Variants in SEMA6A observed in about 807,000 individuals in gnomAD.
SEMA6A encodes semaphorin 6A.
In SEMA6A, 25 loss-of-function variants were observed where a neutral mutation model predicts 96.8. The ratio of observed to expected loss-of-function variants is 0.26; its 90% CI spans 0.19 to 0.36. SEMA6A has a LOEUF of 0.36. Ranked by LOEUF, SEMA6A falls within the 10% of genes least tolerant of loss-of-function variation. SEMA6A has a pLI of 1.00. For synonymous variants in SEMA6A, 612 were observed against 518.0 expected (o/e 1.18, Z -2.46); for missense variants, 1,363 against 1,323.1 (o/e 1.03, Z -0.47).
chr5:116,553,622 G>A (rs139083229), intron 1 of SEMA6A, among the ~76,000 whole-genome samples: 72 of 152,270 alleles, frequency 4.7e-4, no homozygotes, highest in Non-Finnish European at 9.0e-4. Flanking sequence ...ACAGTGCTGG[G>A]AGCAAACAAT....
At chr5:116,524,662 C>T (rs1295827502) in intron 1 of SEMA6A, among the ~76,000 whole-genome samples, 3 of 151,964 alleles carry the variant, frequency 2.0e-5, no homozygotes, top group Non-Finnish European at 4.4e-5. Flanking sequence ...TACAGAGTTT[C>T]CACTAGCAAA....
chr5:116,495,455 G>T lies in SEMA6A; in HGVS notation c.402C>A (p.Val134=). ...AAGGGTTGAAGGCATTAGTTCCACA[G>T]ACAAACAATGCATCATCGTTTTTCT... The part of the protein sequence containing the change: ...LLKKNDDALF[V]CGTNAFNPSC... The change falls in exon 6 of 19, where the codon GTC becomes GTA. Residue 134 remains valine (V), a synonymous_variant. Transcript: ENST00000343348. 1 of 1,610,760 alleles carries T rather than the reference G, an allele frequency of 6.2e-7. No homozygotes were observed. Among genetic ancestry groups the T allele is most frequent in the Admixed American group, 1.7e-5 (1 of 59,682 alleles).
chr5:116,509,890 G>A (rs892021175), intron 1 of SEMA6A, among the ~76,000 whole-genome samples: 2 of 152,068 alleles, frequency 1.3e-5, no homozygotes, highest in African/African-American at 4.8e-5. Context: ...TCTATGCAGT[G>A]GGGCAAGTGA....
At chr5:116,488,070 A>G (rs778762599) in intron 9 of SEMA6A, 38 bp downstream of exon 9, 2 of 1,355,256 alleles carry the variant, frequency 1.5e-6, no homozygotes, top group South Asian at 1.2e-5. Flanking sequence ...GTTTCTGAAA[A>G]TGTTACAAAC....
chr5:116,564,839 G>T (rs1027543416), intron 1 of SEMA6A, among the ~76,000 whole-genome samples: 1 of 152,186 alleles, frequency 6.6e-6, no homozygotes, highest in Non-Finnish European at 1.5e-5. Flanking sequence ...CAGTAAAATG[G>T]TCTCTAGCTC....
intron 16 of SEMA6A, among the ~76,000 whole-genome samples, chr5:116,474,656 T>C (rs3097138): frequency 0.95 from 145,271 of 152,266 alleles, 69,420 homozygotes; most frequent in East Asian, 1. Flanking sequence ...TTTCAGTACT[T>C]ATGACTGAAA....
At chr5:116,474,278 G>GCACACACACA (rs113731062) in intron 16 of SEMA6A, among the ~76,000 whole-genome samples, 3,924 of 147,340 alleles carry the variant, frequency 0.027, 63 homozygotes, top group Middle Eastern at 0.031. Flanking sequence ...GTGCACGCAT[G>GCACACACACA]CACACACACA....
chr5:116,487,813 G>A (rs1402873842), intron 9 of SEMA6A, among the ~76,000 whole-genome samples: 1 of 152,104 alleles, frequency 6.6e-6, no homozygotes, highest in Non-Finnish European at 1.5e-5. Flanking sequence ...GCAGAGAGCC[G>A]AGATTGTACC....
intron 12 of SEMA6A, 84 bp from the exon 13 acceptor site, chr5:116,478,802 T>A: frequency 7.7e-7 from 1 of 1,305,286 alleles, no homozygotes; most frequent in Admixed American, 2.4e-5. Context: ...AGCTGCGACA[T>A]AGCCTTCTAG....
intron 7 of SEMA6A, among the ~76,000 whole-genome samples, chr5:116,491,429 T>G (rs1391348344): frequency 6.6e-6 from 1 of 152,144 alleles, no homozygotes; most frequent in Non-Finnish European, 1.5e-5. Flanking sequence ...ATTTAATTTT[T>G]TTTTTTTACA....
chr5:116,447,651 C>T lies in SEMA6A; in HGVS notation c.2055G>A (p.Gln685=). 1.2e-6 allele frequency: 2 copies of T among 1,614,042 alleles called. No individual in the cohort carries two copies. The highest frequency in any genetic ancestry group is 1.7e-6 in the Non-Finnish European group (2 of 1,179,900). Residue 685 remains glutamine (Q), a synonymous_variant, in exon 19 of 19, where the codon CAG becomes CAA. Transcript: ENST00000343348. ...AGTGGGTGAGCTCCTTCTCCTTGCG[C>T]TGCACCACAGCCACGTCTTTGCGCC... ...DHRRKDVAVV[Q]RKEKELTHSR...
intron 5 of SEMA6A, 173 bp downstream of exon 5, chr5:116,496,078 T>C: frequency 1.7e-6 from 1 of 576,522 alleles, no homozygotes; most frequent in Non-Finnish European, 3.1e-6. Flanking sequence ...TTTCATCACA[T>C]TAAAAGCAAA....
chr5:116,505,706 T>C (rs1455316126), intron 1 of SEMA6A, among the ~76,000 whole-genome samples: 1 of 152,168 alleles, frequency 6.6e-6, no homozygotes, highest in African/African-American at 2.4e-5. Context: ...AAAAGTCATA[T>C]CTCTATATAT....
intron 1 of SEMA6A, among the ~76,000 whole-genome samples, chr5:116,536,139 A>G (rs1235938011): frequency 3.3e-5 from 5 of 152,202 alleles, no homozygotes; most frequent in African/African-American, 1.2e-4. Flanking sequence ...GAGGTGAAGC[A>G]GCAGCCAGCA....
At chr5:116,506,885 C>T (rs928351266) in intron 1 of SEMA6A, among the ~76,000 whole-genome samples, 2 of 152,154 alleles carry the variant, frequency 1.3e-5, no homozygotes, top group African/African-American at 2.4e-5. Context: ...ACATGACAAA[C>T]GAGTCTCCAT....
chr5:116,498,882 G>A (rs1303478092), intron 3 of SEMA6A: 1 of 152,174 alleles, frequency 6.6e-6, no homozygotes, highest in East Asian at 1.9e-4. Context: ...AATTGTAAAT[G>A]AACAACTGAT....
chr5:116,487,116 A>G, intron 9 of SEMA6A, 150 bp from the exon 10 acceptor site: 1 of 616,262 alleles, frequency 1.6e-6, no homozygotes. Flanking sequence ...AAGAAAGAAA[A>G]GAAAAAAAGA....
chr5:116,542,711 C>T (rs958106665), intron 1 of SEMA6A, among the ~76,000 whole-genome samples: 3 of 152,202 alleles, frequency 2.0e-5, no homozygotes, highest in African/African-American at 7.2e-5. Context: ...GTGAGGGTTA[C>T]CATTATCTTA....
rs1168910284 is a variant in SEMA6A at position 116,477,698 on chromosome 5, G to A, written c.1649+148C>T. 4 of 728,662 alleles carry A rather than the reference G, an allele frequency of 5.5e-6. No individual in the cohort carries two copies. In the East Asian group the frequency reaches 7.7e-5, roughly 14 times the overall value. The allele number at this position is 728,662 out of a possible 1,614,324, so 45.1% of individuals were successfully genotyped here. A position where few individuals can be genotyped will look rare whatever the true frequency, so the allele number is the denominator to read the frequency against. On this transcript the variant is annotated intron_variant, in intron 15 of 18. Coordinates refer to ENST00000343348, the MANE Select transcript of SEMA6A (RefSeq NM_020796.5). ...GATGTGGTGAGGCTCTATGAAATGG[G>A]AAAGGGTAGGAGAAAGGCTGACAGT...
Sources: allele counts gnomAD v4.1 joint callset (sites outside exome capture counted in the v4.1 genomes callset), GRCh38; gene constraint gnomAD v4.1.1; transcripts MANE v1.5; gene names NCBI Gene and HGNC (gene_info 2026-07-23, HGNC 2026-07-21).